ACSF3: variants seen among roughly 807,000 people sequenced by gnomAD.
ACSF3 encodes malonate--CoA ligase ACSF3, mitochondrial.
A neutral mutation model predicts 53.2 loss-of-function variants in ACSF3; 78 were observed. The observed-to-expected ratio is 1.47, with a 90% CI of 1.22 to 1.77. The LOEUF (loss-of-function observed/expected upper bound fraction) is 1.77. Among genes scored for constraint, ACSF3 ranks in the 40% most tolerant of loss-of-function variants. The probability of loss-of-function intolerance (pLI) is 0.00; values close to 1 mark genes in which losing one functional copy is unlikely to be tolerated. For missense variants in ACSF3, 937 were observed against 771.1 expected (o/e 1.22, Z -2.55); for synonymous variants, 414 against 333.1 (o/e 1.24, Z -2.65).
At chr16:89,146,144 G>A in intron 10 of ACSF3, 95 bp downstream of exon 10, 1 of 889,126 alleles carries the variant, frequency 1.1e-6, no homozygotes, top group Non-Finnish European at 1.8e-6. Context: ...CGTCTTAGAG[G>A]TGGAGATGAG....
At chr16:89,121,673 G>A (rs1207739613) in intron 7 of ACSF3, among the ~76,000 whole-genome samples, 1 of 152,154 alleles carries the variant, frequency 6.6e-6, no homozygotes, top group African/African-American at 2.4e-5. Context: ...AAAGATCGAG[G>A]GATCCTGAGT....
At position 89,100,897 on chromosome 16, in the gene ACSF3, T is replaced by G. The variant is rs1405537973; in HGVS notation, c.216T>G (p.Tyr72Ter). The G allele has an allele frequency of 6.2e-7, 1 of 1,613,874 alleles. No homozygotes were observed. The highest frequency in any genetic ancestry group is 8.5e-7 in the Non-Finnish European group (1 of 1,180,028). Reference sequence around the variant, plus strand: ...GCCGCCACACGTACAGGGAGCTTTATTCCCGCAGCCTTCGCCTGTCCCAGG... The same window carrying G: ...GCCGCCACACGTACAGGGAGCTTTAGTCCCGCAGCCTTCGCCTGTCCCAGG... ...QHGRHTYREL[Y>*]SRSLRLSQEI... The change falls in exon 3 of 11, where the codon TAT becomes TAG. Residue 72 changes from tyrosine to a stop codon, truncating the protein, a stop_gained. Coordinates refer to ENST00000614302, the MANE Select transcript of ACSF3 (RefSeq NM_001243279.3). LOFTEE classifies it high-confidence loss of function.
At chr16:89,099,386 G>A (rs1488646462) in intron 2 of ACSF3, among the ~76,000 whole-genome samples, 1 of 152,246 alleles carries the variant, frequency 6.6e-6, no homozygotes, top group Non-Finnish European at 1.5e-5. Flanking sequence ...CTCGCTTCCT[G>A]CTGATTTATT....
rs1567758904 is a variant in ACSF3, at chr16:89,154,680, G to A, written c.*473G>A. 1 of 454,048 alleles carries A rather than the reference G, an allele frequency of 2.2e-6. No homozygotes were observed. The highest frequency in any genetic ancestry group is 2.3e-5 in the Admixed American group (1 of 42,578). The allele number at this position is 454,048 out of a possible 1,614,324, so 28.1% of individuals were successfully genotyped here. Reference sequence around the variant, plus strand: ...AGGAGGTCTGGGCAGCCACCCAGGGGGCCCTCCTGGGAGGAGCTGAGGGTT... The same window carrying A: ...AGGAGGTCTGGGCAGCCACCCAGGGAGCCCTCCTGGGAGGAGCTGAGGGTT... On this transcript the variant is annotated 3_prime_UTR_variant, in exon 11 of 11. Transcript: ENST00000614302.
chr16:89,143,182 G>C (rs982648553), intron 8 of ACSF3, among the ~76,000 whole-genome samples: 1 of 152,204 alleles, frequency 6.6e-6, no homozygotes. Context: ...TGTAACGGTG[G>C]TACATCCTCA....
intron 1 of ACSF3, 31 bp from the exon 2 acceptor site, chr16:89,098,560 C>G (rs1318781558): frequency 2.3e-6 from 1 of 439,398 alleles, no homozygotes; most frequent in South Asian, 1.6e-5. Flanking sequence ...TACACACAGC[C>G]TGGGACCTCA....
chr16:89,135,582 C>T (rs1910266358), intron 8 of ACSF3, among the ~76,000 whole-genome samples: 1 of 152,250 alleles, frequency 6.6e-6, no homozygotes, highest in African/African-American at 2.4e-5. Flanking sequence ...GCACATCAAA[C>T]ACTCCCTCCC....
chr16:89,101,966 G>T (rs772447643), intron 3 of ACSF3, among the ~76,000 whole-genome samples: 1 of 152,236 alleles, frequency 6.6e-6, no homozygotes, highest in Admixed American at 6.5e-5. Context: ...GAAGCGGCGC[G>T]CCTGTCGGGA....
intron 7 of ACSF3, among the ~76,000 whole-genome samples, chr16:89,129,412 C>T (rs1252137767): frequency 6.6e-6 from 1 of 151,646 alleles, no homozygotes; most frequent in Non-Finnish European, 1.5e-5. Flanking sequence ...CTTAAGTTTA[C>T]TTTGATATTA....
intron 1 of ACSF3, among the ~76,000 whole-genome samples, chr16:89,094,541 G>T (rs1026020076): frequency 3.9e-5 from 6 of 152,196 alleles, no homozygotes; most frequent in African/African-American, 1.4e-4. Context: ...GAGAGGGAAG[G>T]TTTAAAGGGG....
At chr16:89,096,390 C>T (rs1026696608) in intron 1 of ACSF3, among the ~76,000 whole-genome samples, 1 of 152,086 alleles carries the variant, frequency 6.6e-6, no homozygotes, top group Non-Finnish European at 1.5e-5. Flanking sequence ...GCCTCTGGAC[C>T]GGGAGGTGTG....
chr16:89,132,548 G>A (rs369680650), intron 7 of ACSF3, among the ~76,000 whole-genome samples: 117 of 152,340 alleles, frequency 7.7e-4, no homozygotes, highest in African/African-American at 2.5e-3. Context: ...GGCAGTGCCT[G>A]CATGCTTAAC....
chr16:89,123,884 T>A (rs1411010826), intron 7 of ACSF3, among the ~76,000 whole-genome samples: 1 of 152,146 alleles, frequency 6.6e-6, no homozygotes, highest in Non-Finnish European at 1.5e-5. Context: ...CTCCCTCACA[T>A]CCTGTGACAT....
chr16:89,142,787 G>T (rs533173840), intron 8 of ACSF3, among the ~76,000 whole-genome samples: 2 of 148,236 alleles, frequency 1.3e-5, no homozygotes, highest in Non-Finnish European at 3.0e-5. Flanking sequence ...ACCCACACCT[G>T]CAGACACACC....
chr16:89,151,612 T>A (rs1914093776), intron 10 of ACSF3: 1 of 67,584 alleles, frequency 1.5e-5, no homozygotes, highest in Non-Finnish European at 3.4e-5. Flanking sequence ...TCACCATATA[T>A]TTTTTTTTTT....
At chr16:89,120,383 G>A (rs1238750098) in intron 6 of ACSF3, among the ~76,000 whole-genome samples, 1 of 152,354 alleles carries the variant, frequency 6.6e-6, no homozygotes, top group South Asian at 2.1e-4. Context: ...GGACAGCCCC[G>A]GGGCCATCAG....
In ACSF3 at chr16:89,124,917, A is replaced by G. The variant is rs542607158; in HGVS notation, c.1239+4004A>G. Among the ~76,000 whole-genome samples the G allele has an allele frequency of 5.3e-5, 8 of 152,348 alleles. 1 individual carries two copies. The South Asian group carries it at 1.7e-3, about 32-fold the overall frequency. ...GTTATCTGTTCTGTTCCCTTGATCT[A>G]TGTTTCCATTCCTCTACCGACACCA... On this transcript the variant is annotated intron_variant, in intron 7 of 10. Coordinates refer to ENST00000614302, the MANE Select transcript of ACSF3 (RefSeq NM_001243279.3).
intron 10 of ACSF3, chr16:89,150,121 A>G (rs539396414): frequency 6.6e-6 from 1 of 152,348 alleles, no homozygotes; most frequent in South Asian, 2.1e-4. Context: ...GAGCTCACCT[A>G]CAGCAAATTA....
At chr16:89,127,932 C>T (rs1220244283) in intron 7 of ACSF3, among the ~76,000 whole-genome samples, 1 of 152,170 alleles carries the variant, frequency 6.6e-6, no homozygotes, top group African/African-American at 2.4e-5. Context: ...TCCCATTCCT[C>T]ATGTTGGTAA....
Sources: gnomAD v4.1 joint callset for allele counts (sites outside exome capture counted in the v4.1 genomes callset) on GRCh38, gnomAD v4.1.1 for gene constraint, MANE v1.5 for transcripts, NCBI Gene and HGNC (gene_info 2026-07-23, HGNC 2026-07-21) for gene names.